Variants in GLRB observed in about 807,000 individuals in gnomAD.
GLRB encodes the protein glycine receptor subunit beta.
GLRB carries 33 observed loss-of-function variants against 54.2 expected under a neutral mutation model. The observed-to-expected ratio is 0.61, with a 90% CI of 0.46 to 0.81. The LOEUF is 0.81. GLRB is among the 40% of genes least tolerant of loss of function. GLRB has a pLI of 0.00. For synonymous variants in GLRB, 209 were observed against 208.2 expected, an observed-to-expected ratio of 1.00 and a Z score of -0.03; for missense variants, 572 against 584.6, an observed-to-expected ratio of 0.98 and a Z score of 0.22.
At chr4:157,083,750 G>A (rs755615413) in intron 2 of GLRB, among the ~76,000 whole-genome samples, 8 of 152,132 alleles carry the variant, frequency 5.3e-5, no homozygotes, top group Non-Finnish European at 8.8e-5. Flanking sequence ...TAAGATAAAT[G>A]TATGTTGGTG....
rs750707925 is a variant in GLRB, at chr4:157,170,576, C to T, written c.1342C>T (p.Leu448Phe). The T allele has an allele frequency of 7.4e-6, 12 of 1,613,408 alleles. No homozygotes were observed. The highest frequency in any genetic ancestry group is 1.3e-5 in the African/African-American group (1 of 74,894). ...AAAACCCATTGAAGTTAACAACGGA[C>T]TTGGGAAATCTCAGGCTAAGAACAA... ...YGKPIEVNNG[L>F]GKSQAKNNKK... The change falls in exon 10 of 10, where the codon CTT becomes TTT. Residue 448 changes from leucine to phenylalanine, a missense_variant. Physicochemically the swap from Leu to Phe is conservative, Grantham distance 22 (BLOSUM62 0). Coordinates refer to ENST00000264428, the MANE Select transcript of GLRB (RefSeq NM_000824.5).
Position 157,170,412 on chromosome 4 carries a change from T to G in GLRB, c.1198-20T>G. On this transcript the variant is annotated intron_variant, in intron 9 of 9. Coordinates refer to ENST00000264428, the MANE Select transcript of GLRB (RefSeq NM_000824.5). Reference sequence around the variant, plus strand: ...AAGTAGAAAAGTTTTAAATACATTGTCTTCAATATTTATTCTTAGGTTGGT... The same window carrying G: ...AAGTAGAAAAGTTTTAAATACATTGGCTTCAATATTTATTCTTAGGTTGGT... The G allele has an allele frequency of 6.9e-7, 1 of 1,458,902 alleles. No homozygotes were observed. Among genetic ancestry groups the G allele is most frequent in the South Asian group, 1.1e-5 (1 of 87,280 alleles). 90.4% of individuals were successfully genotyped at this position (1,458,902 alleles called of 1,614,324 possible).
At chr4:157,110,565 T>C (rs1173904880) in intron 2 of GLRB, among the ~76,000 whole-genome samples, 1 of 152,092 alleles carries the variant, frequency 6.6e-6, no homozygotes, top group African/African-American at 2.4e-5. Context: ...TTTTATTATT[T>C]ATAAAGATAT....
chr4:157,078,844 C>T (rs928697532), intron 2 of GLRB, among the ~76,000 whole-genome samples: 3 of 152,024 alleles, frequency 2.0e-5, no homozygotes, highest in African/African-American at 7.3e-5. Flanking sequence ...CAATTATCTA[C>T]TCACTGCAAC....
At chr4:157,148,563 T>A (rs1367070378) in intron 8 of GLRB, among the ~76,000 whole-genome samples, 3 of 152,198 alleles carry the variant, frequency 2.0e-5, no homozygotes, top group Admixed American at 6.5e-5. Context: ...GTATATTGTA[T>A]TTTCATCTTT....
chr4:157,123,652 A>G (rs140574782), intron 4 of GLRB, among the ~76,000 whole-genome samples: 15 of 151,944 alleles, frequency 9.9e-5, no homozygotes, highest in Non-Finnish European at 1.9e-4. Flanking sequence ...ATGACTCAAG[A>G]GACACTATAG....
intron 1 of GLRB, chr4:157,076,631 G>A (rs185582735): frequency 1.6e-4 from 24 of 152,356 alleles, no homozygotes; most frequent in African/African-American, 5.5e-4. Flanking sequence ...TCCAGTCAAT[G>A]CAGCTGTCCC....
intron 3 of GLRB, 60 bp from the exon 4 acceptor site, chr4:157,122,270 A>G (rs1435084756): frequency 8.7e-6 from 6 of 686,172 alleles, no homozygotes; most frequent in Non-Finnish European, 1.5e-5. Flanking sequence ...CAAAAAAACT[A>G]TGATGATTCT....
intron 8 of GLRB, among the ~76,000 whole-genome samples, chr4:157,148,148 G>C (rs759659624): frequency 1.1e-4 from 16 of 152,094 alleles, no homozygotes; most frequent in Non-Finnish European, 2.1e-4. Flanking sequence ...TGTTAGATGA[G>C]TTGTGAATTA....
At chr4:157,109,680 G>T (rs1201792313) in intron 2 of GLRB, among the ~76,000 whole-genome samples, 1 of 152,020 alleles carries the variant, frequency 6.6e-6, no homozygotes, top group African/African-American at 2.4e-5. Flanking sequence ...CCCAGGTTGT[G>T]TCCTGTACTT....
At chr4:157,141,202 A>T (rs140983987) in intron 7 of GLRB, among the ~76,000 whole-genome samples, 2 of 152,122 alleles carry the variant, frequency 1.3e-5, no homozygotes, top group African/African-American at 4.8e-5. Flanking sequence ...CTGAAATCTC[A>T]TTAGCTACAG....
At chr4:157,167,913 G>C (rs2126633868) in intron 9 of GLRB, among the ~76,000 whole-genome samples, 1 of 152,106 alleles carries the variant, frequency 6.6e-6, no homozygotes, top group Non-Finnish European at 1.5e-5. Flanking sequence ...CAGGTGCTAG[G>C]CTCTTTTTAA....
intron 9 of GLRB, among the ~76,000 whole-genome samples, chr4:157,156,923 T>C (rs1737250447): frequency 6.6e-6 from 1 of 152,220 alleles, no homozygotes; most frequent in Admixed American, 6.5e-5. Context: ...CTGTTTTAAC[T>C]TGCTTTCTCT....
chr4:157,113,685 C>G (rs1735501617), intron 2 of GLRB, among the ~76,000 whole-genome samples: 1 of 151,154 alleles, frequency 6.6e-6, no homozygotes, highest in South Asian at 2.1e-4. Context: ...TTTCCACAGG[C>G]TACAACAGTT....
intron 4 of GLRB, among the ~76,000 whole-genome samples, chr4:157,131,049 G>T (rs1736196951): frequency 6.6e-6 from 1 of 151,498 alleles, no homozygotes; most frequent in Non-Finnish European, 1.5e-5. Context: ...TTTTCTACAA[G>T]ACAGAAATCA....
chr4:157,124,960 A>G (rs944665988), intron 4 of GLRB, among the ~76,000 whole-genome samples: 11 of 151,896 alleles, frequency 7.2e-5, no homozygotes, highest in Non-Finnish European at 1.3e-4. Flanking sequence ...GTCATATTTC[A>G]TATATTTGCT....
Position 157,120,126 on chromosome 4 carries a change from C to T in GLRB, c.123-430C>T, listed in dbSNP as rs191285526. Among the ~76,000 whole-genome samples the T allele has an allele frequency of 3.8e-3, 572 of 150,468 alleles. 2 individuals are homozygous for T. Among genetic ancestry groups the T allele is most frequent in the African/African-American group, 0.013 (546 of 41,016 alleles). Reference sequence around the variant, plus strand: ...GAAATCATCATTCTCAGTAAACTGTCGCAAGAACAAAAAACCAAACACTGC... The same window carrying T: ...GAAATCATCATTCTCAGTAAACTGTTGCAAGAACAAAAAACCAAACACTGC... On this transcript the variant is annotated intron_variant, in intron 2 of 9. Transcript: ENST00000264428.
chr4:157,118,288 A>G (rs1243335329), intron 2 of GLRB, among the ~76,000 whole-genome samples: 1 of 151,718 alleles, frequency 6.6e-6, no homozygotes, highest in Non-Finnish European at 1.5e-5. Context: ...TGTATTTTGT[A>G]ATCAATCAAT....
chr4:157,123,445 G>C (rs752287788), intron 4 of GLRB, among the ~76,000 whole-genome samples: 1 of 151,668 alleles, frequency 6.6e-6, no homozygotes, highest in South Asian at 2.1e-4. Context: ...ATTGTGATGA[G>C]AGTGTTATTT....
Sources: gnomAD v4.1 joint callset for allele counts (sites outside exome capture counted in the v4.1 genomes callset) on GRCh38, gnomAD v4.1.1 for gene constraint, MANE v1.5 for transcripts, NCBI Gene and HGNC (gene_info 2026-07-23, HGNC 2026-07-21) for gene names.